The following INSC variants were observed in gnomAD, a reference collection of about 807,000 sequenced individuals.
The protein encoded by INSC is protein inscuteable homolog.
A neutral mutation model predicts 58.6 loss-of-function variants in INSC; 67 were observed. The ratio of observed to expected loss-of-function variants is 1.14; its 90% CI spans 0.94 to 1.40. The LOEUF is 1.40. Among genes scored for constraint, INSC ranks in the 40% most tolerant of loss-of-function variants. INSC has a pLI of 0.00. For missense variants in INSC, 714 were observed against 692.0 expected (o/e 1.03, Z -0.36); for synonymous variants, 262 against 276.1 (o/e 0.95, Z 0.51).
At chr11:15,210,555 G>A (rs1424612277) in intron 7 of INSC, among the ~76,000 whole-genome samples, 1 of 148,636 alleles carries the variant, frequency 6.7e-6, no homozygotes, top group African/African-American at 2.5e-5. Flanking sequence ...GTGGTGGAGT[G>A]GGATGCAGCA....
intron 2 of INSC, among the ~76,000 whole-genome samples, chr11:15,153,046 A>G (rs1363473668): frequency 1.3e-5 from 2 of 152,216 alleles, no homozygotes; most frequent in East Asian, 1.9e-4. Flanking sequence ...TTAGCTTTCA[A>G]CAAAGTTCTT....
chr11:15,194,056 A>G (rs1009466478), intron 6 of INSC, among the ~76,000 whole-genome samples: 2 of 152,220 alleles, frequency 1.3e-5, no homozygotes, highest in Non-Finnish European at 2.9e-5. Context: ...GACTAAATCA[A>G]AAAGGATGGT....
intron 5 of INSC, among the ~76,000 whole-genome samples, chr11:15,179,560 A>C (rs1590406624): frequency 6.7e-6 from 1 of 150,306 alleles, no homozygotes; most frequent in Admixed American, 6.6e-5. Context: ...CCTCACCCCC[A>C]CTCCTCCCAC....
chr11:15,203,919 T>C (rs1019721269), intron 7 of INSC, among the ~76,000 whole-genome samples: 2 of 152,266 alleles, frequency 1.3e-5, no homozygotes, highest in East Asian at 3.9e-4. Flanking sequence ...AGTTCAGCCA[T>C]AGTTTTATTA....
chr11:15,155,253 A>C (rs1234866795), intron 2 of INSC, among the ~76,000 whole-genome samples: 1 of 152,170 alleles, frequency 6.6e-6, no homozygotes. Context: ...CTTCTGTTTG[A>C]AACTCTATCC....
chr11:15,229,874 G>A (rs1475486278), intron 9 of INSC, among the ~76,000 whole-genome samples: 4 of 141,690 alleles, frequency 2.8e-5, no homozygotes, highest in African/African-American at 8.0e-5. Flanking sequence ...CCTGGGCAAC[G>A]TGGCAAAATC....
intron 5 of INSC, among the ~76,000 whole-genome samples, chr11:15,182,276 C>T (rs540454525): frequency 6.6e-5 from 10 of 152,196 alleles, no homozygotes; most frequent in Admixed American, 4.6e-4. Flanking sequence ...TGCCAAAGGC[C>T]TTAACAGATA....
At chr11:15,260,426 TG>T in the INSC span, among the ~76,000 whole-genome samples, 1 of 152,134 alleles carries the variant, frequency 6.6e-6, no homozygotes, top group Non-Finnish European at 1.5e-5. Flanking sequence ...AATACAGGTA[TG>T]GGGGTCATCT....
At chr11:15,245,230 G>A (rs1852514059) in intron 12 of INSC, among the ~76,000 whole-genome samples, 1 of 152,138 alleles carries the variant, frequency 6.6e-6, no homozygotes, top group Non-Finnish European at 1.5e-5. Context: ...GGATAATTGG[G>A]GAAGCCTTCA....
At chr11:15,225,980 A>C (rs550950033) in intron 9 of INSC, 152 bp downstream of exon 9, 12 of 740,092 alleles carry the variant, frequency 1.6e-5, no homozygotes, top group Non-Finnish European at 2.6e-5. Flanking sequence ...CACGTTTCTC[A>C]TTGACTTTGT....
chr11:15,215,867 A>G (rs1404715747), intron 7 of INSC, among the ~76,000 whole-genome samples: 1 of 152,194 alleles, frequency 6.6e-6, no homozygotes, highest in Non-Finnish European at 1.5e-5. Context: ...AGGAAGTGAC[A>G]TCTGACCAGC....
Position 15,117,635 on chromosome 11 carries a change from C to T in INSC, c.-46+2632C>T, listed in dbSNP as rs139075266. Among the ~76,000 whole-genome samples, 306 of 152,274 alleles carry T rather than the reference C, an allele frequency of 2.0e-3. 4 individuals are homozygous for T. Among genetic ancestry groups the T allele is most frequent in the African/African-American group, 7.1e-3 (294 of 41,544 alleles). On this transcript the variant is annotated intron_variant, in intron 1 of 12. Coordinates refer to ENST00000379556, the MANE Select transcript of INSC (RefSeq NM_001042536.3). ...ATTTTTAACTGTAAACTTCCACATC[C>T]TTTGTTGAAGGAAATCAGAACAAAT...
intron 7 of INSC, among the ~76,000 whole-genome samples, chr11:15,211,217 T>A (rs1564905744): frequency 6.6e-6 from 1 of 152,246 alleles, no homozygotes; most frequent in Non-Finnish European, 1.5e-5. Context: ...TAGCTGGACA[T>A]ACAGTGCTCT....
chr11:15,178,466 G>A lies in INSC; in HGVS notation c.579+19G>A. ...GGTTCAGGTCAGTGCAGGCTGGGCT[G>A]CAGGGAGGGGTGCTTGTGTGGACCC... On this transcript the variant is annotated intron_variant, in intron 5 of 12. Coordinates refer to ENST00000379556, the MANE Select transcript of INSC (RefSeq NM_001042536.3). The A allele has an allele frequency of 1.9e-6, 3 of 1,603,738 alleles. No individual in the cohort carries two copies. The highest frequency in any genetic ancestry group is 2.5e-6 in the Non-Finnish European group (3 of 1,178,820).
Position 15,169,642 on chromosome 11 carries a change from A to G in INSC, c.57-6099A>G, listed in dbSNP as rs145892953. ...CTGCAACCTCTGCCTCCCAGGTTCA[A>G]GTGATTCTCCTGCCTCAACCTCCCG... is the stretch of plus-strand genomic sequence containing the variant. On this transcript the variant is annotated intron_variant, in intron 2 of 12. Coordinates refer to ENST00000379556, the MANE Select transcript of INSC (RefSeq NM_001042536.3). 2.9e-3 allele frequency among the ~76,000 whole-genome samples: 434 copies of G among 152,076 alleles called. 1 individual carries two copies. Among genetic ancestry groups the G allele is most frequent in the South Asian group, 9.6e-3 (46 of 4,812 alleles).
intron 7 of INSC, among the ~76,000 whole-genome samples, chr11:15,217,657 A>T (rs1257419296): frequency 4.6e-5 from 7 of 152,194 alleles, no homozygotes; most frequent in Admixed American, 4.6e-4. Flanking sequence ...GGTCAGCTGC[A>T]TCAGAACGAA....
the INSC span, among the ~76,000 whole-genome samples, chr11:15,255,797 T>C: frequency 6.6e-6 from 1 of 151,432 alleles, no homozygotes; most frequent in Admixed American, 6.6e-5. Context: ...CAAAAGAAAC[T>C]GTGCAGCCCA....
At chr11:15,209,609 G>A (rs1473987192) in intron 7 of INSC, among the ~76,000 whole-genome samples, 3 of 152,106 alleles carry the variant, frequency 2.0e-5, no homozygotes, top group African/African-American at 4.8e-5. Flanking sequence ...CCCACCAAGA[G>A]ACACTATCTC....
At chr11:15,256,730 C>T in the INSC span, among the ~76,000 whole-genome samples, 13 of 152,176 alleles carry the variant, frequency 8.5e-5, no homozygotes, top group East Asian at 1.7e-3. Flanking sequence ...CCTCATGATC[C>T]ACCCACTTCG....
Sources: allele counts gnomAD v4.1 joint callset (sites outside exome capture counted in the v4.1 genomes callset), GRCh38; gene constraint gnomAD v4.1.1; transcripts MANE v1.5; gene names NCBI Gene and HGNC (gene_info 2026-07-23, HGNC 2026-07-21).